The following PLD5 variants were observed in gnomAD, a reference collection of about 807,000 sequenced individuals.
PLD5 encodes phospholipase D family member 5, also known as inactive phospholipase D5.
Under a neutral mutation model 61.1 loss-of-function variants are expected in PLD5, and 36 were observed. That is an observed-to-expected ratio of 0.59 (90% CI 0.45 to 0.78). The LOEUF is 0.78. Among genes scored for constraint, PLD5 ranks in the 30% least tolerant of loss-of-function variants. The pLI, the probability that PLD5 is intolerant of heterozygous loss-of-function variation, is 0.00. For synonymous variants in PLD5, 243 were observed against 242.8 expected, an observed-to-expected ratio of 1.00 and a Z score of -0.01; for missense variants, 515 against 644.4, an observed-to-expected ratio of 0.80 and a Z score of 2.17.
chr1:242,380,787 A>G (rs545295783), intron 1 of PLD5, among the ~76,000 whole-genome samples: 4 of 152,206 alleles, frequency 2.6e-5, no homozygotes, highest in Non-Finnish European at 5.9e-5. Flanking sequence ...ATGTGGCCAA[A>G]TATGAAAATA....
chr1:242,432,196 C>G (rs1237083984), intron 1 of PLD5, among the ~76,000 whole-genome samples: 3 of 152,206 alleles, frequency 2.0e-5, no homozygotes, highest in Non-Finnish European at 4.4e-5. Flanking sequence ...CTTATTTTTA[C>G]AGCATATTTT....
At chr1:242,129,964 G>T (rs895645869) in intron 5 of PLD5, among the ~76,000 whole-genome samples, 3 of 151,994 alleles carry the variant, frequency 2.0e-5, no homozygotes, top group African/African-American at 7.3e-5. Flanking sequence ...TGCTATAAAA[G>T]ACATGATTTC....
intron 1 of PLD5, among the ~76,000 whole-genome samples, chr1:242,462,075 A>C (rs959935612): frequency 6.6e-6 from 1 of 152,168 alleles, no homozygotes; most frequent in Non-Finnish European, 1.5e-5. Flanking sequence ...CTTTCATTTA[A>C]TTAGGTCCCA....
intron 2 of PLD5, among the ~76,000 whole-genome samples, chr1:242,290,168 T>G (rs896367478): frequency 6.8e-6 from 1 of 146,806 alleles, no homozygotes; most frequent in South Asian, 2.3e-4. Flanking sequence ...AGGTAGACTC[T>G]AATAAATGGT....
intron 1 of PLD5, among the ~76,000 whole-genome samples, chr1:242,441,518 A>T (rs2810033): frequency 1.7e-4 from 26 of 152,130 alleles, no homozygotes; most frequent in African/African-American, 6.3e-4. Flanking sequence ...TACTAAGCTT[A>T]TCTTAGTTTC....
Position 242,299,128 on chromosome 1 carries a change from T to A in PLD5, c.327-10598A>T, listed in dbSNP as rs934688023. Among the ~76,000 whole-genome samples, 29 of 152,252 alleles carry A rather than the reference T, an allele frequency of 1.9e-4. No homozygotes were observed. In the East Asian group the frequency reaches 3.3e-3, roughly 17 times the overall value. ...CTCTATTACATTAAAAAATTTTTTTTAATATTTTAATTTTTTAAATTTTTG... is the reference window on the plus strand; with the variant it reads ...CTCTATTACATTAAAAAATTTTTTTAAATATTTTAATTTTTTAAATTTTTG... On this transcript the variant is annotated intron_variant, in intron 2 of 9. Coordinates refer to ENST00000536534, the MANE Select transcript of PLD5 (RefSeq NM_001372062.1).
At chr1:242,505,272 T>G (rs1423650089) in intron 1 of PLD5, among the ~76,000 whole-genome samples, 1 of 152,212 alleles carries the variant, frequency 6.6e-6, no homozygotes, top group Non-Finnish European at 1.5e-5. Flanking sequence ...TTTATTCTGT[T>G]TTAAAGAGGA....
chr1:242,351,657 T>C (rs1320367922), intron 1 of PLD5, among the ~76,000 whole-genome samples: 1 of 152,206 alleles, frequency 6.6e-6, no homozygotes, highest in Non-Finnish European at 1.5e-5. Flanking sequence ...CTCGGGTATG[T>C]CTTTATTAGC....
At chr1:242,108,458 T>G (rs1347570041) in intron 7 of PLD5, among the ~76,000 whole-genome samples, 1 of 152,170 alleles carries the variant, frequency 6.6e-6, no homozygotes, top group African/African-American at 2.4e-5. Flanking sequence ...TTGCCTTAAC[T>G]TGATCCTGAT....
At chr1:242,364,152 AAAGC>A (rs1661217152) in intron 1 of PLD5, among the ~76,000 whole-genome samples, 1 of 152,070 alleles carries the variant, frequency 6.6e-6, no homozygotes, top group Non-Finnish European at 1.5e-5. Flanking sequence ...CAAAAAACAT[AAAGC>A]AAAAGCTAAC....
chr1:242,303,123 G>A (rs1425170056), intron 2 of PLD5, among the ~76,000 whole-genome samples: 6 of 152,206 alleles, frequency 3.9e-5, no homozygotes, highest in South Asian at 2.1e-4. Flanking sequence ...AAATGATCAT[G>A]AGGGAGGCAT....
chr1:242,394,989 A>ATATATG (rs1491410995), intron 1 of PLD5, among the ~76,000 whole-genome samples: 46 of 48,874 alleles, frequency 9.4e-4, no homozygotes, highest in African/African-American at 4.6e-3. Flanking sequence ...ATATATATGA[A>ATATATG]TATATATGTA....
intron 1 of PLD5, among the ~76,000 whole-genome samples, chr1:242,521,453 CCA>C (rs5782241): frequency 0.35 from 53,460 of 151,906 alleles, 9,617 homozygotes; most frequent in Admixed American, 0.39. Flanking sequence ...TGGACAGAGC[CCA>C]CACACTGCCA....
chr1:242,465,975 T>C (rs1667266388), intron 1 of PLD5, among the ~76,000 whole-genome samples: 1 of 152,154 alleles, frequency 6.6e-6, no homozygotes. Flanking sequence ...TTACCCAGTC[T>C]CAGATGCTCT....
chr1:242,170,843 A>G (rs1303902749), intron 5 of PLD5, among the ~76,000 whole-genome samples: 2 of 150,488 alleles, frequency 1.3e-5, no homozygotes, highest in Admixed American at 1.3e-4. Context: ...AAAGCGAGAA[A>G]AAAGAATGAA....
In PLD5 at chr1:242,086,385, T is replaced by G. The variant is rs1352588031; in HGVS notation, c.*3469A>C. 2 of 152,214 alleles carry G rather than the reference T, an allele frequency of 1.3e-5. No homozygotes were observed. The highest frequency in any genetic ancestry group is 2.9e-5 in the Non-Finnish European group (2 of 68,048). The allele number at this position is 152,214 out of a possible 1,614,324, so 9.4% of individuals were successfully genotyped here. ...TTCTTTTAAGTCAGTGGGGACATTTTCAGCATTCCTTGTTTCTATCAGGTT... is the reference window on the plus strand; with the variant it reads ...TTCTTTTAAGTCAGTGGGGACATTTGCAGCATTCCTTGTTTCTATCAGGTT... On this transcript the variant is annotated 3_prime_UTR_variant, in exon 10 of 10. Coordinates refer to ENST00000536534, the MANE Select transcript of PLD5 (RefSeq NM_001372062.1).
intron 1 of PLD5, among the ~76,000 whole-genome samples, chr1:242,392,927 G>A (rs568865370): frequency 7.9e-5 from 12 of 152,148 alleles, no homozygotes; most frequent in Admixed American, 4.6e-4. Context: ...TTTAGGCAGG[G>A]CCGCAGTGGC....
intron 2 of PLD5, among the ~76,000 whole-genome samples, chr1:242,304,649 T>C (rs1574700260): frequency 6.6e-6 from 1 of 152,250 alleles, no homozygotes; most frequent in African/African-American, 2.4e-5. Flanking sequence ...AGAATTTTAA[T>C]TAACAAATCT....
upstream of PLD5, among the ~76,000 whole-genome samples, chr1:242,525,280 C>A (rs1214499787): frequency 6.6e-6 from 1 of 152,206 alleles, no homozygotes; most frequent in Non-Finnish European, 1.5e-5. Flanking sequence ...CCGGTTGCTC[C>A]CCAGCCCTCG....
Sources: gnomAD v4.1 joint callset for allele counts (sites outside exome capture counted in the v4.1 genomes callset) on GRCh38, gnomAD v4.1.1 for gene constraint, MANE v1.5 for transcripts, NCBI Gene and HGNC (gene_info 2026-07-23, HGNC 2026-07-21) for gene names.